The following PCDH15 variants were observed in gnomAD, a reference collection of about 807,000 sequenced individuals.
PCDH15 encodes protocadherin related 15, also known as protocadherin-15.
In PCDH15, 129 loss-of-function variants were observed where a neutral mutation model predicts 178.5. The observed-to-expected ratio is 0.72, with a 90% CI of 0.63 to 0.84. The LOEUF (loss-of-function observed/expected upper bound fraction) is 0.84. Ranked by LOEUF, PCDH15 falls within the 40% of genes least tolerant of loss-of-function variation. PCDH15 has a pLI of 0.00. For missense variants in PCDH15, 2,230 were observed against 2,099.9 expected, an observed-to-expected ratio of 1.06 and a Z score of -1.21; for synonymous variants, 800 against 732.0, an observed-to-expected ratio of 1.09 and a Z score of -1.50.
chr10:53,870,523 A>G (rs959652397), intron 26 of PCDH15, among the ~76,000 whole-genome samples: 3 of 152,202 alleles, frequency 2.0e-5, no homozygotes, highest in Non-Finnish European at 4.4e-5. Flanking sequence ...GATATTCATC[A>G]AAGATGATTG....
At chr10:53,948,316 T>C (rs1233883778) in intron 23 of PCDH15, among the ~76,000 whole-genome samples, 1 of 152,162 alleles carries the variant, frequency 6.6e-6, no homozygotes, top group Non-Finnish European at 1.5e-5. Flanking sequence ...CTTGAAAATT[T>C]ACAATTTTTT....
intron 27 of PCDH15, among the ~76,000 whole-genome samples, chr10:53,859,034 C>G (rs2078937132): frequency 6.9e-6 from 1 of 145,154 alleles, no homozygotes; most frequent in Non-Finnish European, 1.5e-5. Flanking sequence ...TCCCTCTCCT[C>G]CTTTTTTTCT....
chr10:54,736,331 A>T (rs1170352446), intron 1 of PCDH15, among the ~76,000 whole-genome samples: 1 of 152,102 alleles, frequency 6.6e-6, no homozygotes. Context: ...TCAATAATCC[A>T]TTAGAATTAT....
chr10:53,824,620 T>TAATC (rs1411674627), intron 32 of PCDH15, among the ~76,000 whole-genome samples: 11 of 152,122 alleles, frequency 7.2e-5, no homozygotes, highest in South Asian at 2.1e-4. Flanking sequence ...CAATCTGGAC[T>TAATC]AATCAGAGTG....
At chr10:54,563,627 C>T (rs2088560140) in intron 2 of PCDH15, among the ~76,000 whole-genome samples, 1 of 152,128 alleles carries the variant, frequency 6.6e-6, no homozygotes, top group Non-Finnish European at 1.5e-5. Flanking sequence ...GATGTCATTA[C>T]ATCAGTGGAA....
chr10:54,616,727 G>A (rs905603581), intron 2 of PCDH15, among the ~76,000 whole-genome samples: 4 of 152,156 alleles, frequency 2.6e-5, no homozygotes, highest in East Asian at 3.9e-4. Flanking sequence ...TGAGTACCTC[G>A]GAACTGGAAC....
At chr10:54,093,000 A>G (rs2094625474) in intron 15 of PCDH15, among the ~76,000 whole-genome samples, 1 of 152,166 alleles carries the variant, frequency 6.6e-6, no homozygotes. Context: ...AAACAATTTT[A>G]AGACCAGATT....
chr10:55,613,584 A>G (rs558237458), intron 2 of PCDH15, among the ~76,000 whole-genome samples: 1 of 152,274 alleles, frequency 6.6e-6, no homozygotes, highest in African/African-American at 2.4e-5. Flanking sequence ...AAGGATAATC[A>G]TTTGTGATAA....
chr10:53,862,887 G>T (rs912908449), intron 27 of PCDH15, among the ~76,000 whole-genome samples: 2 of 152,176 alleles, frequency 1.3e-5, no homozygotes. Flanking sequence ...TGATAGGTTA[G>T]CTAGCTGCCT....
At chr10:54,789,805 G>A (rs1300751646) in intron 1 of PCDH15, among the ~76,000 whole-genome samples, 2 of 151,780 alleles carry the variant, frequency 1.3e-5, no homozygotes, top group Admixed American at 6.6e-5. Flanking sequence ...TTAAACCACA[G>A]GAAAGAAAAG....
intron 13 of PCDH15, among the ~76,000 whole-genome samples, chr10:54,166,780 G>T (rs1258393295): frequency 6.6e-6 from 1 of 152,210 alleles, no homozygotes; most frequent in East Asian, 1.9e-4. Flanking sequence ...AAGTGAATAT[G>T]CCCTGCCCCA....
intron 8 of PCDH15, among the ~76,000 whole-genome samples, chr10:54,316,373 T>G (rs1030617045): frequency 6.6e-6 from 1 of 152,064 alleles, no homozygotes; most frequent in Admixed American, 6.6e-5. Context: ...TCTCATGTAT[T>G]TTGAGGAAAA....
At chr10:55,006,040 G>A (rs563092445) in intron 2 of PCDH15, among the ~76,000 whole-genome samples, 6 of 152,010 alleles carry the variant, frequency 3.9e-5, no homozygotes, top group African/African-American at 1.4e-4. Flanking sequence ...GTTGTAGAAA[G>A]ATTCAATCAG....
intron 3 of PCDH15, among the ~76,000 whole-genome samples, chr10:54,442,413 G>GATTTATATAT (rs2075851056): frequency 9.2e-5 from 1 of 10,856 alleles, no homozygotes; most frequent in Non-Finnish European, 1.7e-4. Context: ...GGCCTTAAAG[G>GATTTATATAT]CTATATATAT....
At chr10:54,925,318 C>T (rs1453778452) in intron 2 of PCDH15, among the ~76,000 whole-genome samples, 1 of 152,092 alleles carries the variant, frequency 6.6e-6, no homozygotes, top group Non-Finnish European at 1.5e-5. Flanking sequence ...TGTTTCTGTA[C>T]CATCACCATG....
chr10:55,106,660 C>T (rs1842679913), intron 2 of PCDH15, among the ~76,000 whole-genome samples: 1 of 152,148 alleles, frequency 6.6e-6, no homozygotes, highest in South Asian at 2.1e-4. Flanking sequence ...AGGTGATCCA[C>T]CCACCTCGGC....
chr10:55,268,160 A>G (rs973922501), intron 1 of PCDH15, among the ~76,000 whole-genome samples: 1 of 152,176 alleles, frequency 6.6e-6, no homozygotes, highest in African/African-American at 2.4e-5. Context: ...GTACTGCTTT[A>G]GTCACTTTAC....
At chr10:55,359,614 C>A (rs1845172595) in intron 2 of PCDH15, among the ~76,000 whole-genome samples, 1 of 151,218 alleles carries the variant, frequency 6.6e-6, no homozygotes, top group Admixed American at 6.6e-5. Flanking sequence ...ATCAGTATGT[C>A]ATAGATGTCT....
intron 3 of PCDH15, among the ~76,000 whole-genome samples, chr10:54,848,787 AAGAATTTGTTGTAAACCTG>A (rs2131762439): frequency 6.6e-6 from 1 of 152,250 alleles, no homozygotes; most frequent in South Asian, 2.1e-4. Context: ...TTCAATCTTC[AAGAATTTGTTGTAAACCTG>A]AGGCATTAGG....
Sources: gnomAD v4.1 joint callset for allele counts (sites outside exome capture counted in the v4.1 genomes callset) on GRCh38, gnomAD v4.1.1 for gene constraint, MANE v1.5 for transcripts, NCBI Gene and HGNC (gene_info 2026-07-23, HGNC 2026-07-21) for gene names.